CRB2: variants seen among roughly 807,000 people sequenced by gnomAD.
The protein encoded by CRB2 is crumbs cell polarity complex component 2, also known as protein crumbs homolog 2.
CRB2 carries 85 observed loss-of-function variants against 110.9 expected under a neutral mutation model. The ratio of observed to expected loss-of-function variants is 0.77; its 90% CI spans 0.64 to 0.92. The LOEUF (loss-of-function observed/expected upper bound fraction) is 0.92. Among genes scored for constraint, CRB2 ranks in the 40% least tolerant of loss-of-function variants. The probability of loss-of-function intolerance (pLI) is 0.00; values close to 1 mark genes in which losing one functional copy is unlikely to be tolerated. For missense variants in CRB2, 1,843 were observed against 1,851.3 expected, an observed-to-expected ratio of 1.00 and a Z score of 0.08; for synonymous variants, 907 against 831.0, an observed-to-expected ratio of 1.09 and a Z score of -1.57.
chr9:123,355,981 G>A (rs1209705193), upstream of CRB2, among the ~76,000 whole-genome samples: 1 of 152,038 alleles, frequency 6.6e-6, no homozygotes, highest in East Asian at 1.9e-4. Flanking sequence ...GAGGAGAGTG[G>A]GGCAGAGGGT....
At position 123,373,424 on chromosome 9, in the gene CRB2, C is replaced by T. The variant is rs2042047960; in HGVS notation, c.2893C>T (p.Arg965Cys). 1.5e-5 allele frequency: 21 copies of T among 1,446,656 alleles called. No individual in the cohort carries two copies. Among genetic ancestry groups the T allele is most frequent in the African/African-American group, 3.0e-5 (2 of 67,418 alleles). The allele number at this position is 1,446,656 out of a possible 1,614,324, so 89.6% of individuals were successfully genotyped here. A position where few individuals can be genotyped will look rare whatever the true frequency, so the allele number is the denominator to read the frequency against. ...AWHRVRLAME[R>C]PAATTSRWLL... ...GCACCGCGTGCGTCTGGCCATGGAG[C>T]GCCCGGCGGCCACCACCTCGCGCTG... Residue 965 changes from arginine to cysteine, a missense_variant, in exon 10 of 13, where the codon CGC becomes TGC. Coordinates refer to ENST00000373631, the MANE Select transcript of CRB2 (RefSeq NM_173689.7).
rs2042115349 is a variant in CRB2 at position 123,377,129 on chromosome 9, G to C, written c.*67G>C. ...GGTTTCTACCTGGAGACCCAAGGAA[G>C]CTGCTTCCAGGGCTCGGGACATTGC... On this transcript the variant is annotated 3_prime_UTR_variant, in exon 13 of 13. Transcript: ENST00000373631. 1.2e-5 allele frequency: 16 copies of C among 1,373,582 alleles called. No individual in the cohort carries two copies. Among genetic ancestry groups the C allele is most frequent in the Non-Finnish European group, 1.3e-5 (13 of 1,024,908 alleles). 85.1% of individuals were successfully genotyped at this position (1,373,582 alleles called of 1,614,324 possible). A position where few individuals can be genotyped will look rare whatever the true frequency, so the allele number is the denominator to read the frequency against.
At chr9:123,379,324 G>A (rs1360819610), downstream of CRB2, among the ~76,000 whole-genome samples, 2 of 152,216 alleles carry the variant, frequency 1.3e-5, no homozygotes, top group Non-Finnish European at 2.9e-5. Flanking sequence ...TGAGAGACCT[G>A]TGGGGGCGAC....
At chr9:123,375,595 C>G (rs746003685) in intron 12 of CRB2, among the ~76,000 whole-genome samples, 21 of 152,208 alleles carry the variant, frequency 1.4e-4, no homozygotes, top group Admixed American at 3.3e-4. Context: ...GCGGCTTCCT[C>G]AGAGTGCCCA....
intron 1 of CRB2, among the ~76,000 whole-genome samples, chr9:123,359,447 T>C (rs1329198854): frequency 8.1e-6 from 1 of 122,822 alleles, no homozygotes; most frequent in Non-Finnish European, 1.6e-5. Context: ...TTTTGTTTTT[T>C]TTTTTTTTTT....
At position 123,371,462 on chromosome 9, in the gene CRB2, G is replaced by A. The variant is rs1278477323; in HGVS notation, c.2320G>A (p.Gly774Ser). ...RGCLQDLRLD[G>S]CHLPFFPLPL... The stretch of plus-strand genomic sequence containing the variant: ...CTGCCTCCAGGACCTGCGACTCGAT[G>A]GCTGCCACCTCCCCTTCTTTCCTCT... Residue 774 changes from glycine (G) to serine (S), a missense_variant, in exon 8 of 13, where the codon GGC becomes AGC. Physicochemically the swap from Gly to Ser is moderately conservative, Grantham distance 56. Coordinates refer to ENST00000373631, the MANE Select transcript of CRB2 (RefSeq NM_173689.7). The A allele has an allele frequency of 3.1e-6, 5 of 1,613,144 alleles. No homozygotes were observed. The highest frequency in any genetic ancestry group is 4.2e-6 in the Non-Finnish European group (5 of 1,180,028).
intron 1 of CRB2, among the ~76,000 whole-genome samples, chr9:123,359,919 G>GCT (rs2041847868): frequency 6.6e-6 from 1 of 152,084 alleles, no homozygotes; most frequent in African/African-American, 2.4e-5. Context: ...GATATTGGAA[G>GCT]CTGTATTCCT....
At chr9:123,375,428 T>C in intron 12 of CRB2, 85 bp downstream of exon 12, 2 of 1,430,578 alleles carry the variant, frequency 1.4e-6, no homozygotes, top group Non-Finnish European at 9.2e-7. Context: ...CGCAGCACCA[T>C]GGGGCTGTTC....
chr9:123,355,788 C>CGACTG (rs1474103373), upstream of CRB2, among the ~76,000 whole-genome samples: 3 of 146,250 alleles, frequency 2.1e-5, no homozygotes, highest in African/African-American at 7.7e-5. Context: ...GTCTGGGAGG[C>CGACTG]GACTGGACTC....
chr9:123,366,330 G>C lies in CRB2; in HGVS notation c.718G>C (p.Glu240Gln). ...CTGCGAGCACAACGCGTCCTGCCTC[G>C]AGGGCCTCGGGAGCTTCCGCTGCCT... ...APCEHNASCL[E>Q]GLGSFRCLCW... The change falls in exon 4 of 13, where the codon GAG (glutamate) becomes CAG (glutamine). Residue 240 changes from glutamate (E) to glutamine (Q), a missense_variant. Transcript: ENST00000373631. 1 of 1,543,140 alleles carries C rather than the reference G, an allele frequency of 6.5e-7. No homozygotes were observed.
At position 123,370,954 on chromosome 9, in the gene CRB2, C is replaced by T. The variant is rs1588214409; in HGVS notation, c.1901C>T (p.Pro634Leu). 3 of 1,608,416 alleles carry T rather than the reference C, an allele frequency of 1.9e-6. No homozygotes were observed. The highest frequency in any genetic ancestry group is 1.1e-5 in the South Asian group (1 of 90,626). ...CATTTCCGTTGCGACTGTGCCCGGC[C>T]CCATAGAGGTCCCACGTGCGCTGAT... ...WTHFRCDCAR[P>L]HRGPTCADEI... is the part of the protein sequence containing the mutation. The change falls in exon 7 of 13, where the codon CCC becomes CTC. Residue 634 changes from proline (P) to leucine (L), a missense_variant. Pro to Leu is a moderately conservative substitution (Grantham distance 98). Coordinates refer to ENST00000373631, the MANE Select transcript of CRB2 (RefSeq NM_173689.7).
intron 9 of CRB2, 27 bp from the exon 10 acceptor site, chr9:123,373,107 A>C (rs1243634687): frequency 2.7e-6 from 4 of 1,461,524 alleles, no homozygotes. Flanking sequence ...TCCGTGGGCT[A>C]TTCCCTGAGG....
chr9:123,367,391 T>A (rs1415067905), intron 5 of CRB2, 34 bp downstream of exon 5: 1 of 1,572,910 alleles, frequency 6.4e-7, no homozygotes, highest in Non-Finnish European at 8.6e-7. Context: ...TCAGCCCATG[T>A]CCAGATGCCC....
chr9:123,369,765 G>T (rs534762099), intron 6 of CRB2, among the ~76,000 whole-genome samples: 3 of 152,268 alleles, frequency 2.0e-5, no homozygotes, highest in African/African-American at 7.2e-5. Flanking sequence ...GCTACTGGTG[G>T]AGATGGATGG....
At chr9:123,361,928 G>T (rs2041873238) in intron 1 of CRB2, among the ~76,000 whole-genome samples, 1 of 152,212 alleles carries the variant, frequency 6.6e-6, no homozygotes, top group African/African-American at 2.4e-5. Flanking sequence ...GAGGAAGGGG[G>T]ATGAGGATCT....
At chr9:123,372,128 TGA>T (rs1386005717) in intron 8 of CRB2, 47 bp from the exon 9 acceptor site, 49 of 1,585,728 alleles carry the variant, frequency 3.1e-5, no homozygotes, top group Non-Finnish European at 4.2e-5. Flanking sequence ...TTATGGTGGG[TGA>T]TGCTCACTGC....
chr9:123,360,747 G>A (rs1249371919), intron 1 of CRB2, among the ~76,000 whole-genome samples: 1 of 152,188 alleles, frequency 6.6e-6, no homozygotes, highest in African/African-American at 2.4e-5. Context: ...TGGACTGTGA[G>A]GCTGCTTCGA....
At position 123,374,843 on chromosome 9, in the gene CRB2, C is replaced by G. The variant is rs1326523187; in HGVS notation, c.3506+148C>G. 1.6e-5 allele frequency: 10 copies of G among 634,620 alleles called. No individual in the cohort carries two copies. In the East Asian group the frequency reaches 2.5e-4, roughly 16 times the overall value. 39.3% of individuals were successfully genotyped at this position (634,620 alleles called of 1,614,324 possible). On this transcript the variant is annotated intron_variant, in intron 11 of 12. Transcript: ENST00000373631. ...TTGTCACTTGAGTTTCCTTCCATGA[C>G]TCGCAAGACCATCCTCTGTGATACA...
chr9:123,371,037 AG>A (rs756962133), intron 7 of CRB2, 32 bp from the exon 8 acceptor site: 1 of 1,600,178 alleles, frequency 6.2e-7, no homozygotes, highest in Non-Finnish European at 8.5e-7. Flanking sequence ...CTCAGCCTGC[AG>A]GCCTCACACC....
Sources: allele counts gnomAD v4.1 joint callset (sites outside exome capture counted in the v4.1 genomes callset), GRCh38; gene constraint gnomAD v4.1.1; transcripts MANE v1.5; gene names NCBI Gene and HGNC (gene_info 2026-07-23, HGNC 2026-07-21).